ZBTB20: variants seen among roughly 807,000 people sequenced by gnomAD.
ZBTB20 encodes zinc finger and BTB domain containing 20.
ZBTB20 carries 9 observed loss-of-function variants against 56.9 expected under a neutral mutation model. That is an observed-to-expected ratio of 0.16 (90% confidence interval 0.10 to 0.28). The LOEUF (loss-of-function observed/expected upper bound fraction) is 0.28, where lower values mean the gene tolerates loss of function less well. Ranked by LOEUF, ZBTB20 falls within the 10% of genes least tolerant of loss-of-function variation. The pLI is 1.00. For missense variants in ZBTB20, 655 were observed against 1,003.0 expected (o/e 0.65, Z 4.69); for synonymous variants, 417 against 420.7 (o/e 0.99, Z 0.11).
At chr3:114,794,042 A>T (rs1391311146) in intron 5 of ZBTB20, among the ~76,000 whole-genome samples, 1 of 151,860 alleles carries the variant, frequency 6.6e-6, no homozygotes, top group Non-Finnish European at 1.5e-5. Context: ...AGATTTAAAA[A>T]CACCAAGCAG....
chr3:114,514,670 A>G (rs1323832109), intron 6 of ZBTB20, among the ~76,000 whole-genome samples: 1 of 152,196 alleles, frequency 6.6e-6, no homozygotes, highest in Admixed American at 6.5e-5. Flanking sequence ...GGTTGCTGAG[A>G]CATATGACAA....
chr3:114,634,020 C>G (rs2059117623), intron 6 of ZBTB20, among the ~76,000 whole-genome samples: 1 of 152,086 alleles, frequency 6.6e-6, no homozygotes, highest in Admixed American at 6.6e-5. Flanking sequence ...CAAGTTCTAC[C>G]TCATTGATTT....
At chr3:115,097,783 T>C (rs2083434698) in intron 1 of ZBTB20, among the ~76,000 whole-genome samples, 2 of 152,172 alleles carry the variant, frequency 1.3e-5, no homozygotes, top group Admixed American at 6.5e-5. Context: ...AGCGCTCCTG[T>C]AACGCAAGCC....
intron 4 of ZBTB20, among the ~76,000 whole-genome samples, chr3:114,844,540 A>AAAAAAAAC (rs2074580177): frequency 7.0e-6 from 1 of 142,114 alleles, no homozygotes; most frequent in South Asian, 2.2e-4. Flanking sequence ...AAAAAAAAAA[A>AAAAAAAAC]AAAAAAAAAA....
chr3:114,726,960 G>A (rs1405686347), intron 5 of ZBTB20, among the ~76,000 whole-genome samples: 1 of 136,884 alleles, frequency 7.3e-6, no homozygotes, highest in African/African-American at 2.7e-5. Flanking sequence ...TAAGAGAAGA[G>A]TTGGATGAAG....
intron 2 of ZBTB20, among the ~76,000 whole-genome samples, chr3:115,044,818 T>C (rs748577706): frequency 6.6e-6 from 1 of 152,212 alleles, no homozygotes; most frequent in Non-Finnish European, 1.5e-5. Context: ...AACTACACTA[T>C]GTGGATATTG....
intron 10 of ZBTB20, among the ~76,000 whole-genome samples, chr3:114,378,546 A>ATT (rs1225975914): frequency 6.6e-5 from 10 of 152,258 alleles, no homozygotes; most frequent in Admixed American, 3.3e-4. Context: ...AAGCACAATA[A>ATT]GTGAAGCCCA....
intron 1 of ZBTB20, among the ~76,000 whole-genome samples, chr3:115,095,183 C>T (rs1306864165): frequency 3.3e-5 from 5 of 152,034 alleles, no homozygotes; most frequent in African/African-American, 1.2e-4. Flanking sequence ...ACTGAATATT[C>T]AGAATTAATA....
chr3:114,396,540 C>A (rs1466869340), intron 7 of ZBTB20, among the ~76,000 whole-genome samples: 1 of 152,072 alleles, frequency 6.6e-6, no homozygotes, highest in Non-Finnish European at 1.5e-5. Flanking sequence ...GAAACTGATA[C>A]TCAGGAAAGG....
At chr3:114,584,007 G>A (rs1240548481) in intron 6 of ZBTB20, among the ~76,000 whole-genome samples, 1 of 152,142 alleles carries the variant, frequency 6.6e-6, no homozygotes, top group African/African-American at 2.4e-5. Flanking sequence ...TTTCTAAAGT[G>A]AGTGTGATAT....
intron 4 of ZBTB20, among the ~76,000 whole-genome samples, chr3:114,857,286 T>C (rs1404993105): frequency 6.6e-6 from 1 of 152,198 alleles, no homozygotes; most frequent in Non-Finnish European, 1.5e-5. Context: ...TTCTAAGTGC[T>C]CTCTACCTAA....
chr3:115,046,276 A>G (rs919969412), intron 2 of ZBTB20, among the ~76,000 whole-genome samples: 2 of 152,164 alleles, frequency 1.3e-5, no homozygotes, highest in African/African-American at 4.8e-5. Context: ...TTAACTCGGA[A>G]GATGGAGAAA....
intron 1 of ZBTB20, among the ~76,000 whole-genome samples, chr3:115,137,455 A>G (rs1267647335): frequency 6.6e-6 from 1 of 152,054 alleles, no homozygotes; most frequent in Non-Finnish European, 1.5e-5. Context: ...ATATAATCCA[A>G]AGTCATGTAC....
intron 5 of ZBTB20, among the ~76,000 whole-genome samples, chr3:114,718,500 T>C (rs1031969164): frequency 1.3e-5 from 2 of 152,042 alleles, no homozygotes; most frequent in South Asian, 2.1e-4. Flanking sequence ...AACACAGGGA[T>C]TGCTTTCCTC....
chr3:114,733,057 G>C (rs1298330), intron 5 of ZBTB20, among the ~76,000 whole-genome samples: 33,174 of 152,012 alleles, frequency 0.22, 3,949 homozygotes, highest in East Asian at 0.38. Flanking sequence ...GAGGTAAATG[G>C]TCTACCAGAC....
chr3:114,909,940 G>A (rs937079968), intron 3 of ZBTB20, among the ~76,000 whole-genome samples: 4 of 151,796 alleles, frequency 2.6e-5, no homozygotes, highest in Non-Finnish European at 4.4e-5. Flanking sequence ...CAATAATACT[G>A]AGCATAAGGG....
In ZBTB20 at chr3:114,337,524, T is replaced by G. The variant is rs1223762684; in HGVS notation, c.*1481A>C. ...TCTCTTCCATGAAAAAGAACAGAAT[T>G]CTAGATGAATCAGTTGAAAAAATTA... On this transcript the variant is annotated 3_prime_UTR_variant, in exon 12 of 12. Transcript: ENST00000675478. The G allele has an allele frequency of 6.6e-6, 1 of 152,074 alleles. No homozygotes were observed. The highest frequency in any genetic ancestry group is 1.9e-4 in the East Asian group (1 of 5,194). 9.4% of individuals were successfully genotyped at this position (152,074 alleles called of 1,614,324 possible).
intron 3 of ZBTB20, among the ~76,000 whole-genome samples, chr3:114,919,849 T>C (rs369916888): frequency 4.6e-5 from 7 of 152,086 alleles, no homozygotes; most frequent in African/African-American, 1.4e-4. Flanking sequence ...AAAACAAATA[T>C]GTAAAATCCA....
At chr3:115,121,653 AAT>A (rs1474700339) in intron 1 of ZBTB20, among the ~76,000 whole-genome samples, 1 of 152,032 alleles carries the variant, frequency 6.6e-6, no homozygotes, top group African/African-American at 2.4e-5. Flanking sequence ...ACCAAAGAAA[AAT>A]GGCAGAGAAT....
Sources: allele counts gnomAD v4.1 joint callset (sites outside exome capture counted in the v4.1 genomes callset), GRCh38; gene constraint gnomAD v4.1.1; transcripts MANE v1.5; gene names NCBI Gene and HGNC (gene_info 2026-07-23, HGNC 2026-07-21).